ARHGEF6: variants seen among roughly 807,000 people sequenced by gnomAD.
ARHGEF6 encodes the protein rho guanine nucleotide exchange factor 6.
Under a neutral mutation model 70.3 loss-of-function variants are expected in ARHGEF6, and 9 were observed. The ratio of observed to expected loss-of-function variants is 0.13; its 90% CI spans 0.08 to 0.22. ARHGEF6 has a LOEUF of 0.22. Ranked by LOEUF, ARHGEF6 falls within the 10% of genes least tolerant of loss-of-function variation. The pLI is 1.00. For missense variants in ARHGEF6, 470 were observed against 563.0 expected, an observed-to-expected ratio of 0.83 and a Z score of 1.67; for synonymous variants, 201 against 207.8, an observed-to-expected ratio of 0.97 and a Z score of 0.28.
At chrX:136,685,604 C>CAAAAA in intron 12 of ARHGEF6, 73 bp downstream of exon 12, 4 of 935,092 alleles carry the variant, frequency 4.3e-6, no homozygotes, top group Non-Finnish European at 5.7e-6. Context: ...AAGACTCCGT[C>CAAAAA]AAAAAAAAAA....
rs144055165 is a variant in ARHGEF6, at chrX:136,681,946, G to A, written c.1502C>T (p.Thr501Met). 9.1e-5 allele frequency: 110 copies of A among 1,202,942 alleles called. No homozygotes were observed. The African/African-American group carries it at 1.5e-3, about 17-fold the overall frequency. ...AATTTCATCTAATCTAGTCACCACC[G>A]TTCCTGCTATTGGTATTTTTCCCTA... is the stretch of plus-strand genomic sequence containing the variant. The part of the protein sequence containing the change: ...IYQGKIPIAG[T>M]VVTRLDEIEG... Residue 501 changes from threonine to methionine, a missense_variant, in exon 14 of 22, where the codon ACG becomes ATG. Coordinates refer to ENST00000250617, the MANE Select transcript of ARHGEF6 (RefSeq NM_004840.3).
Position 136,745,286 on chromosome X carries a change from C to G in ARHGEF6, c.396G>C (p.Gln132His). ...TAGAAACTGCTCCCTGTGGGTTTGT[C>G]TGAGAAGTATTAGCAGCACTAAGAG... ...SSSLSAANTS[Q>H]TNPQGAVSST... is the part of the protein sequence containing the mutation. Residue 132 changes from glutamine to histidine, a missense_variant, in exon 4 of 22, where the codon CAG (glutamine) becomes CAC (histidine). Physicochemically the swap from Gln to His is conservative, Grantham distance 24 (BLOSUM62 0). Transcript: ENST00000250617. The G allele has an allele frequency of 8.3e-7, 1 of 1,211,425 alleles. No homozygotes were observed. Among genetic ancestry groups the G allele is most frequent in the Non-Finnish European group, 1.1e-6 (1 of 895,084 alleles).
At chrX:136,741,507 A>C (rs1348723139) in intron 5 of ARHGEF6, among the ~76,000 whole-genome samples, 2 of 109,421 alleles carry the variant, frequency 1.8e-5, no homozygotes, top group African/African-American at 3.4e-5. Context: ...GTCAAAAGTT[A>C]TACATGGATT....
intron 6 of ARHGEF6, among the ~76,000 whole-genome samples, chrX:136,718,012 A>G (rs2076754909): frequency 8.9e-6 from 1 of 111,893 alleles, no homozygotes; most frequent in South Asian, 3.7e-4. Flanking sequence ...TAATCCACCT[A>G]TATCAATAAT....
intron 9 of ARHGEF6, among the ~76,000 whole-genome samples, chrX:136,694,241 T>C (rs895175065): frequency 1.8e-5 from 2 of 111,175 alleles, no homozygotes; most frequent in African/African-American, 6.6e-5. Context: ...TTAGTAGAGA[T>C]GGGGTTTCAC....
Position 136,744,592 on chromosome X carries a change from C to T in ARHGEF6, c.459+631G>A, listed in dbSNP as rs184408134. Among the ~76,000 whole-genome samples, 38 of 111,907 alleles carry T rather than the reference C, an allele frequency of 3.4e-4. 1 individual carries two copies. Among genetic ancestry groups the T allele is most frequent in the Middle Eastern group, 4.6e-3 (1 of 219 alleles). On this transcript the variant is annotated intron_variant, in intron 4 of 21. Coordinates refer to ENST00000250617, the MANE Select transcript of ARHGEF6 (RefSeq NM_004840.3). Reference sequence around the variant, plus strand: ...ATCCAAAAAAGTTAAGAACCACATGCTCAAGTGCTTTGGAAGTAATAGGTC... The same window carrying T: ...ATCCAAAAAAGTTAAGAACCACATGTTCAAGTGCTTTGGAAGTAATAGGTC...
Position 136,668,089 on chromosome X carries a change from C to T in ARHGEF6, c.2271G>A (p.Leu757=), listed in dbSNP as rs1288569444. The part of the protein sequence containing the change: ...RDLEKLVRRL[L]KQTDECIRGE... ...CTCGAATACACTCATCTGTTTGCTTCAAAAGCCTCCGCACCAGCTTTTCTA... is the reference window on the plus strand; with the variant it reads ...CTCGAATACACTCATCTGTTTGCTTTAAAAGCCTCCGCACCAGCTTTTCTA... Residue 757 remains leucine (L), a synonymous_variant, in exon 22 of 22, where the codon TTG becomes TTA. Coordinates refer to ENST00000250617, the MANE Select transcript of ARHGEF6 (RefSeq NM_004840.3). 1.2e-5 allele frequency: 14 copies of T among 1,210,069 alleles called. No individual in the cohort carries two copies. The highest frequency in any genetic ancestry group is 1.6e-5 in the Non-Finnish European group (14 of 895,133).
At chrX:136,668,533 C>CTTCTTCTTCTTATTATTATTATTA (rs61661248) in intron 21 of ARHGEF6, among the ~76,000 whole-genome samples, 20 of 98,461 alleles carry the variant, frequency 2.0e-4, no homozygotes, top group African/African-American at 7.6e-4. Context: ...TCTTCTTCTT[C>CTTCTTCTTCTTATTATTATTATTA]TTATTATTAT....
chrX:136,685,264 T>C (rs759085614), intron 12 of ARHGEF6, among the ~76,000 whole-genome samples: 4 of 111,813 alleles, frequency 3.6e-5, no homozygotes, highest in Non-Finnish European at 5.6e-5. Context: ...TGAACTTCTA[T>C]GGACTCTTGT....
At chrX:136,674,953 A>T in intron 19 of ARHGEF6, 54 bp downstream of exon 19, 1 of 1,101,519 alleles carries the variant, frequency 9.1e-7, no homozygotes, top group Non-Finnish European at 1.3e-6. Context: ...AAAAGACACT[A>T]AACAGTAAGG....
In ARHGEF6 at chrX:136,747,549, T is replaced by C; in HGVS notation, c.293A>G (p.Lys98Arg). 1 of 1,209,018 alleles carries C rather than the reference T, an allele frequency of 8.3e-7. No individual in the cohort carries two copies. The highest frequency in any genetic ancestry group is 1.8e-5 in the South Asian group (1 of 56,886). ...DDLYSGVNFS[K>R]VLSTLLAVNK... ...GACAGCTAAAAGAGTACTCAGTACC[T>C]TGGAGAAATTGACCCCTGAATAAAG... The change falls in exon 3 of 22, where the codon AAG (lysine) becomes AGG (arginine). Residue 98 changes from lysine to arginine, a missense_variant. Lys to Arg is a conservative substitution (Grantham distance 26). Coordinates refer to ENST00000250617, the MANE Select transcript of ARHGEF6 (RefSeq NM_004840.3).
chrX:136,757,526 C>T lies in ARHGEF6; in HGVS notation c.250-9934G>A, dbSNP rs188688875. The stretch of plus-strand genomic sequence containing the variant: ...CCAGAATCTTCTTTCTTCACTGTGC[C>T]TCTCTCTGACATTTATACTTCTCCT... On this transcript the variant is annotated intron_variant, in intron 2 of 21. Transcript: ENST00000250617. 4.5e-5 allele frequency among the ~76,000 whole-genome samples: 5 copies of T among 112,045 alleles called. No individual in the cohort carries two copies. In the East Asian group the frequency reaches 1.4e-3, roughly 31 times the overall value.
At chrX:136,684,097 A>T (rs767529254) in intron 12 of ARHGEF6, among the ~76,000 whole-genome samples, 2 of 112,276 alleles carry the variant, frequency 1.8e-5, no homozygotes, top group Admixed American at 9.4e-5. Context: ...GTCATCAGTA[A>T]CTGCCTTCTA....
At chrX:136,712,938 T>C (rs1400699736) in intron 7 of ARHGEF6, among the ~76,000 whole-genome samples, 1 of 111,596 alleles carries the variant, frequency 9.0e-6, no homozygotes, top group Non-Finnish European at 1.9e-5. Flanking sequence ...ATTTCCAGTT[T>C]ATGTGCTTTC....
chrX:136,739,324 T>C (rs1448134926), intron 5 of ARHGEF6, among the ~76,000 whole-genome samples: 1 of 112,150 alleles, frequency 8.9e-6, no homozygotes, highest in African/African-American at 3.2e-5. Context: ...CTCAGTCCTT[T>C]GTCTGTGCTA....
intron 5 of ARHGEF6, among the ~76,000 whole-genome samples, chrX:136,733,030 T>C (rs1437040379): frequency 2.7e-5 from 3 of 111,355 alleles, no homozygotes; most frequent in Non-Finnish European, 5.7e-5. Context: ...TTTAATATTA[T>C]TCCACTGCGT....
intron 13 of ARHGEF6, 22 bp downstream of exon 13, chrX:136,682,736 G>A: frequency 8.5e-7 from 1 of 1,176,142 alleles, no homozygotes; most frequent in South Asian, 1.8e-5. Flanking sequence ...TCTGCTATGT[G>A]TTTTATATGA....
chrX:136,748,153 C>T (rs1291717470), intron 2 of ARHGEF6, among the ~76,000 whole-genome samples: 4 of 111,896 alleles, frequency 3.6e-5, no homozygotes, highest in African/African-American at 1.3e-4. Context: ...GTTGCCCAAA[C>T]TTTCTGCCCA....
chrX:136,733,534 T>G (rs1415129582), intron 5 of ARHGEF6, among the ~76,000 whole-genome samples: 2 of 112,019 alleles, frequency 1.8e-5, no homozygotes, highest in African/African-American at 6.5e-5. Flanking sequence ...TCTTGGATCT[T>G]TCTAACCTTA....
Sources: gnomAD v4.1 joint callset for allele counts (sites outside exome capture counted in the v4.1 genomes callset) on GRCh38, gnomAD v4.1.1 for gene constraint, MANE v1.5 for transcripts, NCBI Gene and HGNC (gene_info 2026-07-23, HGNC 2026-07-21) for gene names.